GBE1: variants seen among roughly 807,000 people sequenced by gnomAD.
The protein encoded by GBE1 is 1,4-alpha-glucan-branching enzyme.
GBE1 carries 70 observed loss-of-function variants against 88.8 expected under a neutral mutation model. The ratio of observed to expected loss-of-function variants is 0.79; its 90% CI spans 0.65 to 0.96. GBE1 has a LOEUF of 0.96. Among genes scored for constraint, GBE1 ranks in the 40% least tolerant of loss-of-function variants. GBE1 has a pLI of 0.00. For synonymous variants in GBE1, 284 were observed against 300.1 expected, an observed-to-expected ratio of 0.95 and a Z score of 0.56; for missense variants, 872 against 871.0, an observed-to-expected ratio of 1.00 and a Z score of -0.01.
chr3:81,582,124 C>G (rs915665658), intron 10 of GBE1, among the ~76,000 whole-genome samples: 1 of 152,038 alleles, frequency 6.6e-6, no homozygotes, highest in East Asian at 1.9e-4. Flanking sequence ...TTTACTCTCC[C>G]TCTTTAATTC....
At chr3:81,600,994 G>A (rs577953969) in intron 7 of GBE1, among the ~76,000 whole-genome samples, 4 of 152,026 alleles carry the variant, frequency 2.6e-5, no homozygotes, top group African/African-American at 7.2e-5. Context: ...TTTAAATTTC[G>A]AACATCACTC....
chr3:81,715,325 G>A (rs1271621457), intron 1 of GBE1, among the ~76,000 whole-genome samples: 1 of 152,082 alleles, frequency 6.6e-6, no homozygotes, highest in African/African-American at 2.4e-5. Context: ...AGTGGAGACC[G>A]CCTGTTCCAG....
intron 2 of GBE1, among the ~76,000 whole-genome samples, chr3:81,704,870 T>A (rs542514033): frequency 2.0e-5 from 3 of 152,088 alleles, no homozygotes; most frequent in African/African-American, 7.2e-5. Context: ...TTGCTTTCCA[T>A]AGCGTTAACT....
At chr3:81,555,051 A>C (rs770082775) in intron 12 of GBE1, among the ~76,000 whole-genome samples, 1 of 152,208 alleles carries the variant, frequency 6.6e-6, no homozygotes, top group Non-Finnish European at 1.5e-5. Flanking sequence ...GTTCCATAGC[A>C]GCATGACAGC....
At chr3:81,629,098 T>C (rs1704467244) in intron 7 of GBE1, among the ~76,000 whole-genome samples, 1 of 143,844 alleles carries the variant, frequency 7.0e-6, no homozygotes, top group South Asian at 2.3e-4. Context: ...TACATATGTA[T>C]ACATGTGCCA....
At chr3:81,524,940 G>A (rs374221485) in intron 14 of GBE1, among the ~76,000 whole-genome samples, 1 of 151,756 alleles carries the variant, frequency 6.6e-6, no homozygotes, top group East Asian at 1.9e-4. Flanking sequence ...CCATTTATTT[G>A]ACAAATATCA....
intron 7 of GBE1, among the ~76,000 whole-genome samples, chr3:81,627,611 G>A (rs955711840): frequency 5.3e-5 from 8 of 152,078 alleles, no homozygotes; most frequent in Non-Finnish European, 1.2e-4. Context: ...TTAAATGTAT[G>A]TGTGTTGTTT....
intron 3 of GBE1, among the ~76,000 whole-genome samples, chr3:81,654,064 A>G (rs1326493203): frequency 1.3e-5 from 2 of 152,204 alleles, no homozygotes; most frequent in Non-Finnish European, 2.9e-5. Flanking sequence ...TGAAAGAAAT[A>G]TAATGAAAAT....
intron 14 of GBE1, among the ~76,000 whole-genome samples, chr3:81,531,514 A>T (rs1437254743): frequency 6.6e-6 from 1 of 151,956 alleles, no homozygotes; most frequent in African/African-American, 2.4e-5. Context: ...TGTTTACTCA[A>T]GGTCCAAGTG....
chr3:81,758,902 G>A (rs1019134792), intron 1 of GBE1, among the ~76,000 whole-genome samples: 1 of 152,188 alleles, frequency 6.6e-6, no homozygotes, highest in Non-Finnish European at 1.5e-5. Context: ...TGTTGTGGGA[G>A]GGACCTGATG....
At chr3:81,646,859 C>T (rs1006170157) in intron 5 of GBE1, among the ~76,000 whole-genome samples, 13 of 151,866 alleles carry the variant, frequency 8.6e-5, no homozygotes, top group South Asian at 2.1e-4. Flanking sequence ...GCATGACATA[C>T]GCTTTTTATT....
At chr3:81,641,999 T>G (rs759329326) in intron 7 of GBE1, among the ~76,000 whole-genome samples, 37 of 151,074 alleles carry the variant, frequency 2.4e-4, no homozygotes, top group Non-Finnish European at 4.6e-4. Flanking sequence ...CTTGATACTT[T>G]GCTTTTAATA....
intron 1 of GBE1, among the ~76,000 whole-genome samples, chr3:81,710,309 A>T (rs998353191): frequency 7.7e-6 from 1 of 129,152 alleles, no homozygotes; most frequent in Non-Finnish European, 1.5e-5. Flanking sequence ...ATCTCGGCTC[A>T]CTACAAGCTC....
rs374611040 is a variant in GBE1, at chr3:81,639,094, C to G, written c.992+3687G>C. Among the ~76,000 whole-genome samples, 10 of 152,166 alleles carry G rather than the reference C, an allele frequency of 6.6e-5. No homozygotes were observed. In the South Asian group the frequency reaches 1.0e-3, roughly 16 times the overall value. The stretch of plus-strand genomic sequence containing the variant: ...AAATATGAAACATAAATTGTAATTT[C>G]TGATTTCATCTGAATAAGGAACAAA... On this transcript the variant is annotated intron_variant, in intron 7 of 15. Coordinates refer to ENST00000429644, the MANE Select transcript of GBE1 (RefSeq NM_000158.4).
chr3:81,638,456 T>G (rs1704623148), intron 7 of GBE1, among the ~76,000 whole-genome samples: 1 of 152,162 alleles, frequency 6.6e-6, no homozygotes, highest in Admixed American at 6.6e-5. Flanking sequence ...AAGTTTTCAT[T>G]GTCTTAAAAG....
intron 2 of GBE1, among the ~76,000 whole-genome samples, chr3:81,703,413 C>T (rs1006104031): frequency 1.3e-5 from 2 of 151,864 alleles, no homozygotes; most frequent in Non-Finnish European, 2.9e-5. Context: ...TTTGGGACTA[C>T]ACCATGAATT....
intron 7 of GBE1, among the ~76,000 whole-genome samples, chr3:81,632,803 A>G (rs1704533813): frequency 6.6e-6 from 1 of 152,174 alleles, no homozygotes; most frequent in Non-Finnish European, 1.5e-5. Flanking sequence ...CAGACTCATT[A>G]TCATCAATTA....
At chr3:81,628,356 A>G (rs1170312436) in intron 7 of GBE1, among the ~76,000 whole-genome samples, 2 of 152,226 alleles carry the variant, frequency 1.3e-5, no homozygotes, top group African/African-American at 4.8e-5. Flanking sequence ...AGGAGACCTC[A>G]GGAAAAGCAT....
chr3:81,750,543 A>G (rs1308459293), intron 1 of GBE1, among the ~76,000 whole-genome samples: 4 of 89,360 alleles, frequency 4.5e-5, no homozygotes, highest in Admixed American at 1.3e-4. Flanking sequence ...ATATACGTAT[A>G]TATATATGTA....
Sources: gnomAD v4.1 joint callset for allele counts (sites outside exome capture counted in the v4.1 genomes callset) on GRCh38, gnomAD v4.1.1 for gene constraint, MANE v1.5 for transcripts, NCBI Gene and HGNC (gene_info 2026-07-23, HGNC 2026-07-21) for gene names.